Variants in PPA2 observed in about 807,000 individuals in gnomAD.
PPA2 encodes the protein inorganic pyrophosphatase 2.
Under a neutral mutation model 49.5 loss-of-function variants are expected in PPA2, and 48 were observed. The observed-to-expected ratio is 0.97, with a 90% CI of 0.77 to 1.23. PPA2 has a LOEUF of 1.23. Ranked by LOEUF, PPA2 falls within the 50% of genes most tolerant of loss-of-function variation. The pLI, the probability that PPA2 is intolerant of heterozygous loss-of-function variation, is 0.00. For synonymous variants in PPA2, 131 were observed against 139.9 expected (o/e 0.94, Z 0.45); for missense variants, 429 against 410.1 (o/e 1.05, Z -0.40).
chr4:105,400,365 G>T (rs1206839842), intron 7 of PPA2, among the ~76,000 whole-genome samples: 1 of 152,084 alleles, frequency 6.6e-6, no homozygotes, highest in Non-Finnish European at 1.5e-5. Context: ...AATTTTCTAG[G>T]CCAGGTGTGG....
intron 1 of PPA2, among the ~76,000 whole-genome samples, chr4:105,463,209 A>T (rs1468037989): frequency 6.6e-6 from 1 of 152,170 alleles, no homozygotes; most frequent in African/African-American, 2.4e-5. Flanking sequence ...ATCCAGGCTG[A>T]TGTGGTCTCA....
At chr4:105,405,837 A>C (rs185129817) in intron 7 of PPA2, 1 of 461,920 alleles carries the variant, frequency 2.2e-6, no homozygotes, top group Non-Finnish European at 4.3e-6. Flanking sequence ...ATCCAGGGGC[A>C]CACAGGAATC....
intron 7 of PPA2, among the ~76,000 whole-genome samples, chr4:105,421,178 G>A (rs1193268018): frequency 6.6e-6 from 1 of 152,146 alleles, no homozygotes; most frequent in African/African-American, 2.4e-5. Flanking sequence ...TAGGGTAATA[G>A]TAGAAATATG....
intron 5 of PPA2, among the ~76,000 whole-genome samples, chr4:105,441,252 A>T (rs1724346841): frequency 6.6e-6 from 1 of 152,188 alleles, no homozygotes; most frequent in African/African-American, 2.4e-5. Context: ...TTTGGCAACT[A>T]AATAAGAAAA....
intron 7 of PPA2, among the ~76,000 whole-genome samples, chr4:105,410,943 C>T (rs902719069): frequency 1.2e-4 from 19 of 152,158 alleles, no homozygotes; most frequent in Non-Finnish European, 2.6e-4. Context: ...ATAACCGGTA[C>T]CAGCCACTGC....
At chr4:105,419,769 T>C (rs1017984080) in intron 7 of PPA2, among the ~76,000 whole-genome samples, 16 of 152,176 alleles carry the variant, frequency 1.1e-4, no homozygotes, top group African/African-American at 3.9e-4. Flanking sequence ...TAAAAGTTAT[T>C]GTATTTGTTC....
At chr4:105,472,578 G>T (rs887909112) in intron 1 of PPA2, among the ~76,000 whole-genome samples, 2 of 152,036 alleles carry the variant, frequency 1.3e-5, no homozygotes, top group Non-Finnish European at 2.9e-5. Context: ...TAACCTTTTA[G>T]AACATAATCC....
intron 10 of PPA2, among the ~76,000 whole-genome samples, chr4:105,382,366 A>G (rs1048292280): frequency 6.6e-6 from 1 of 152,216 alleles, no homozygotes; most frequent in Non-Finnish European, 1.5e-5. Flanking sequence ...ATGTATGTGC[A>G]TTAGATTAAT....
intron 1 of PPA2, among the ~76,000 whole-genome samples, chr4:105,468,204 A>G (rs755107727): frequency 2.0e-5 from 3 of 152,228 alleles, no homozygotes; most frequent in Non-Finnish European, 4.4e-5. Flanking sequence ...CGCAAAACCT[A>G]AAGTATTCCT....
chr4:105,465,631 C>T (rs538858359), intron 1 of PPA2, among the ~76,000 whole-genome samples: 1 of 152,320 alleles, frequency 6.6e-6, no homozygotes, highest in East Asian at 1.9e-4. Flanking sequence ...TGTTCTCACT[C>T]CAGATTGACA....
At chr4:105,437,912 A>T in intron 6 of PPA2, 38 bp downstream of exon 6, 1 of 1,514,206 alleles carries the variant, frequency 6.6e-7, no homozygotes, top group Non-Finnish European at 8.9e-7. Flanking sequence ...GAATAAACCA[A>T]AACTCACGTT....
intron 1 of PPA2, among the ~76,000 whole-genome samples, chr4:105,464,470 G>A (rs554650043): frequency 1.3e-5 from 2 of 152,324 alleles, no homozygotes; most frequent in Non-Finnish European, 2.9e-5. Flanking sequence ...GTTGAAATGA[G>A]TTAAGACTTT....
chr4:105,385,586 G>A (rs191225444), intron 10 of PPA2, among the ~76,000 whole-genome samples: 1 of 152,138 alleles, frequency 6.6e-6, no homozygotes, highest in Non-Finnish European at 1.5e-5. Flanking sequence ...ATTTATAAAT[G>A]AGATTTCTAG....
At chr4:105,378,902 T>C (rs941893033) in intron 10 of PPA2, among the ~76,000 whole-genome samples, 1 of 152,166 alleles carries the variant, frequency 6.6e-6, no homozygotes, top group Non-Finnish European at 1.5e-5. Context: ...CTCTTGATTA[T>C]TGCAGTGTTT....
Position 105,414,240 on chromosome 4 carries a change from C to A in PPA2, c.655+9956G>T, listed in dbSNP as rs1722897347. Among the ~76,000 whole-genome samples, 5 of 152,198 alleles carry A rather than the reference C, an allele frequency of 3.3e-5. No homozygotes were observed. In the South Asian group the frequency reaches 1.0e-3, roughly 31 times the overall value. On this transcript the variant is annotated intron_variant, in intron 7 of 11. Coordinates refer to ENST00000341695, the MANE Select transcript of PPA2 (RefSeq NM_176869.3). Reference sequence around the variant, plus strand: ...CTGATGATACAATCACTGCAAAAGGCAATTTGATAATATCTAGTAAAATTT... The same window carrying A: ...CTGATGATACAATCACTGCAAAAGGAAATTTGATAATATCTAGTAAAATTT...
chr4:105,379,759 G>C (rs1273891743), intron 10 of PPA2, among the ~76,000 whole-genome samples: 5 of 151,018 alleles, frequency 3.3e-5, no homozygotes, highest in Admixed American at 3.3e-4. Flanking sequence ...TCAGACTCCT[G>C]AGTAGCTGGG....
chr4:105,402,417 T>C (rs1287621640), intron 7 of PPA2, among the ~76,000 whole-genome samples: 1 of 152,210 alleles, frequency 6.6e-6, no homozygotes, highest in East Asian at 1.9e-4. Context: ...ATCACTTTAG[T>C]AGAGTCTTGG....
intron 7 of PPA2, among the ~76,000 whole-genome samples, chr4:105,422,886 G>A (rs1048116396): frequency 1.1e-4 from 17 of 152,002 alleles, no homozygotes; most frequent in Non-Finnish European, 2.4e-4. Flanking sequence ...AGTTTAAAGG[G>A]GCATCCCTTA....
At chr4:105,463,188 T>G (rs1361418915) in intron 1 of PPA2, among the ~76,000 whole-genome samples, 1 of 152,180 alleles carries the variant, frequency 6.6e-6, no homozygotes, top group African/African-American at 2.4e-5. Context: ...GATAATGATA[T>G]GGACAATGAA....
Sources: allele counts gnomAD v4.1 joint callset (sites outside exome capture counted in the v4.1 genomes callset), GRCh38; gene constraint gnomAD v4.1.1; transcripts MANE v1.5; gene names NCBI Gene and HGNC (gene_info 2026-07-23, HGNC 2026-07-21).